EXOC6B: variants seen among roughly 807,000 people sequenced by gnomAD.
EXOC6B encodes exocyst complex component 6B.
EXOC6B carries 54 observed loss-of-function variants against 113.5 expected under a neutral mutation model. The observed-to-expected ratio is 0.48, with a 90% CI of 0.38 to 0.60. The LOEUF (loss-of-function observed/expected upper bound fraction) is 0.60, where lower values mean the gene tolerates loss of function less well. Ranked by LOEUF, EXOC6B falls within the 20% of genes least tolerant of loss-of-function variation. The probability of loss-of-function intolerance (pLI) is 0.00; values close to 1 mark genes in which losing one functional copy is unlikely to be tolerated. For synonymous variants in EXOC6B, 357 were observed against 339.0 expected, an observed-to-expected ratio of 1.05 and a Z score of -0.58; for missense variants, 797 against 977.5, an observed-to-expected ratio of 0.82 and a Z score of 2.46.
Position 72,312,759 on chromosome 2 carries a change from AAACAAC to A in EXOC6B, c.2196+22182_2196+22187del, listed in dbSNP as rs199648970. ...AACAAGAGCAAGACTTTGTCTCAAA[AAACAAC>A]AACAACAACAACAACAACAAACAAA... On this transcript the variant is annotated intron_variant, in intron 20 of 21. Coordinates refer to ENST00000272427, the MANE Select transcript of EXOC6B (RefSeq NM_015189.3). Among the ~76,000 whole-genome samples, 772 of 150,968 alleles carry A rather than the reference AAACAAC, an allele frequency of 5.1e-3. 8 individuals carry two copies. The highest frequency in any genetic ancestry group is 0.018 in the African/African-American group (738 of 40,862).
At chr2:72,199,015 C>A (rs1361936790) in intron 20 of EXOC6B, among the ~76,000 whole-genome samples, 4 of 152,136 alleles carry the variant, frequency 2.6e-5, no homozygotes, top group Non-Finnish European at 4.4e-5. Flanking sequence ...AAGAGCAGAG[C>A]AGAAACTCAA....
intron 6 of EXOC6B, among the ~76,000 whole-genome samples, chr2:72,596,779 A>T (rs1196994074): frequency 1.3e-5 from 2 of 151,868 alleles, no homozygotes; most frequent in East Asian, 3.9e-4. Flanking sequence ...AACACTGTTT[A>T]AAAAGGAGCT....
At chr2:72,375,139 T>C (rs1208606717) in intron 19 of EXOC6B, among the ~76,000 whole-genome samples, 1 of 152,044 alleles carries the variant, frequency 6.6e-6, no homozygotes, top group African/African-American at 2.4e-5. Context: ...TTCTAAGTAG[T>C]ATGCACCCAA....
rs764532495 is a variant in EXOC6B, at chr2:72,480,605, G to A, written c.1800+11C>T. On this transcript the variant is annotated intron_variant, in intron 17 of 21. Transcript: ENST00000272427. ...CAGAAGCAGTTCCACAGTACTGTAG[G>A]GCCCTCTCACCTTAAAAGTTGTGGT... The A allele has an allele frequency of 6.4e-7, 1 of 1,573,098 alleles. No individual in the cohort carries two copies. Among genetic ancestry groups the A allele is most frequent in the Non-Finnish European group, 8.6e-7 (1 of 1,157,478 alleles).
At chr2:72,672,054 A>C (rs1573596322) in intron 6 of EXOC6B, among the ~76,000 whole-genome samples, 1 of 152,146 alleles carries the variant, frequency 6.6e-6, no homozygotes. Flanking sequence ...GGGTGCTGGC[A>C]AGGATATGGA....
At chr2:72,518,061 G>A (rs751278638) in intron 8 of EXOC6B, among the ~76,000 whole-genome samples, 7 of 152,040 alleles carry the variant, frequency 4.6e-5, no homozygotes, top group African/African-American at 7.2e-5. Context: ...ATACTTAAAG[G>A]TGGAATTTGA....
At chr2:72,712,059 G>A (rs1351470032) in intron 6 of EXOC6B, among the ~76,000 whole-genome samples, 5 of 152,162 alleles carry the variant, frequency 3.3e-5, no homozygotes, top group Admixed American at 1.3e-4. Flanking sequence ...CCTCAGATTC[G>A]CTAAATGATT....
intron 1 of EXOC6B, among the ~76,000 whole-genome samples, chr2:72,752,529 C>G (rs959343830): frequency 2.0e-5 from 3 of 150,558 alleles, no homozygotes; most frequent in Non-Finnish European, 4.4e-5. Flanking sequence ...GCATCCTTTC[C>G]CTTCCCTTTC....
chr2:72,475,847 C>G (rs944436250), intron 17 of EXOC6B, among the ~76,000 whole-genome samples: 3 of 152,200 alleles, frequency 2.0e-5, no homozygotes, highest in Non-Finnish European at 4.4e-5. Context: ...CTAGCTGATA[C>G]ATTGCTCATG....
chr2:72,559,364 T>A (rs574420248), intron 8 of EXOC6B, 89 bp downstream of exon 8: 1 of 889,392 alleles, frequency 1.1e-6, no homozygotes, highest in East Asian at 2.9e-5. Context: ...TCACTCTTAA[T>A]AATAAACAGA....
chr2:72,400,867 A>G (rs998089685), intron 18 of EXOC6B, among the ~76,000 whole-genome samples: 1 of 152,046 alleles, frequency 6.6e-6, no homozygotes, highest in African/African-American at 2.4e-5. Flanking sequence ...TATAGCCTAT[A>G]TAAAAGACAG....
At chr2:72,586,960 G>C in intron 6 of EXOC6B, among the ~76,000 whole-genome samples, 1 of 152,130 alleles carries the variant, frequency 6.6e-6, no homozygotes, top group East Asian at 1.9e-4. Context: ...ATACATTGTT[G>C]GTGGGAATGT....
intron 7 of EXOC6B, among the ~76,000 whole-genome samples, chr2:72,568,219 G>A (rs933500960): frequency 6.6e-6 from 1 of 151,884 alleles, no homozygotes; most frequent in African/African-American, 2.4e-5. Context: ...TGGATATTAA[G>A]GGAGACTAAA....
chr2:72,596,214 G>A (rs1160240480), intron 6 of EXOC6B, among the ~76,000 whole-genome samples: 2 of 152,126 alleles, frequency 1.3e-5, no homozygotes, highest in African/African-American at 4.8e-5. Context: ...TGAAAAACTA[G>A]AAAACTCTTC....
At chr2:72,413,774 C>T (rs1266712811) in intron 18 of EXOC6B, among the ~76,000 whole-genome samples, 1 of 152,082 alleles carries the variant, frequency 6.6e-6, no homozygotes, top group Non-Finnish European at 1.5e-5. Flanking sequence ...AGTGATTTCT[C>T]ACACTTCAGC....
At chr2:72,597,494 A>AC (rs1670144706) in intron 6 of EXOC6B, among the ~76,000 whole-genome samples, 1 of 151,942 alleles carries the variant, frequency 6.6e-6, no homozygotes, top group South Asian at 2.1e-4. Flanking sequence ...TCAATTAAAA[A>AC]CCATAAAAGG....
chr2:72,728,224 C>A (rs1015739289), intron 5 of EXOC6B, among the ~76,000 whole-genome samples: 4 of 152,168 alleles, frequency 2.6e-5, no homozygotes, highest in African/African-American at 9.7e-5. Context: ...TAGATATAGA[C>A]CCTAGACCAA....
chr2:72,695,478 GT>G (rs1013321938), intron 6 of EXOC6B, among the ~76,000 whole-genome samples: 36 of 151,156 alleles, frequency 2.4e-4, no homozygotes, highest in African/African-American at 4.6e-4. Context: ...ATTCTTTAAG[GT>G]TTTTTTTTGA....
intron 1 of EXOC6B, among the ~76,000 whole-genome samples, chr2:72,793,840 A>C (rs974867087): frequency 1.3e-5 from 2 of 152,228 alleles, no homozygotes; most frequent in Non-Finnish European, 2.9e-5. Context: ...AGGATGCCAA[A>C]ATAATTTGTA....
Sources: gnomAD v4.1 joint callset for allele counts (sites outside exome capture counted in the v4.1 genomes callset) on GRCh38, gnomAD v4.1.1 for gene constraint, MANE v1.5 for transcripts, NCBI Gene and HGNC (gene_info 2026-07-23, HGNC 2026-07-21) for gene names.